Variants in UNC13A observed in about 807,000 individuals in gnomAD.
The protein encoded by UNC13A is protein unc-13 homolog A.
In UNC13A, 61 loss-of-function variants were observed where a neutral mutation model predicts 219.7. The ratio of observed to expected loss-of-function variants is 0.28; its 90% CI spans 0.23 to 0.34. The LOEUF (loss-of-function observed/expected upper bound fraction) is 0.34. Among genes scored for constraint, UNC13A ranks in the 10% least tolerant of loss-of-function variants. UNC13A has a pLI of 1.00. For missense variants in UNC13A, 1,476 were observed against 2,270.3 expected (o/e 0.65, Z 7.11); for synonymous variants, 920 against 884.6 (o/e 1.04, Z -0.71).
intron 1 of UNC13A, among the ~76,000 whole-genome samples, chr19:17,687,103 C>T (rs1482140488): frequency 6.6e-6 from 1 of 152,198 alleles, no homozygotes; most frequent in East Asian, 1.9e-4. Flanking sequence ...CAAGGTCTCC[C>T]AGAGTTTGAT....
At chr19:17,626,841 G>T in intron 33 of UNC13A, 56 bp from the exon 34 acceptor site, 1 of 1,559,648 alleles carries the variant, frequency 6.4e-7, no homozygotes, top group African/African-American at 1.4e-5. Context: ...TGAGGACACA[G>T]ATGCTGATCT....
intron 5 of UNC13A, among the ~76,000 whole-genome samples, chr19:17,668,940 A>G (rs965421012): frequency 6.6e-6 from 1 of 152,102 alleles, no homozygotes; most frequent in Non-Finnish European, 1.5e-5. Context: ...GGACTACAGA[A>G]ACCCAGCACC....
At chr19:17,675,858 C>T (rs1467800483) in intron 2 of UNC13A, among the ~76,000 whole-genome samples, 154 bp downstream of exon 2, 2 of 152,132 alleles carry the variant, frequency 1.3e-5, no homozygotes, top group Middle Eastern at 3.4e-3. Flanking sequence ...CCAATGGCTG[C>T]CCCTCCCCCT....
chr19:17,623,382 G>T, intron 36 of UNC13A, 160 bp downstream of exon 36: 43 of 521,660 alleles, frequency 8.2e-5, no homozygotes, highest in Non-Finnish European at 9.6e-5. Context: ...CCCTCCCCAT[G>T]CCCCGCCCCA....
At chr19:17,672,039 C>G (rs1433097593) in intron 4 of UNC13A, among the ~76,000 whole-genome samples, 1 of 152,152 alleles carries the variant, frequency 6.6e-6, no homozygotes, top group East Asian at 1.9e-4. Flanking sequence ...TCCCTTGCAG[C>G]AAGGTGTTGG....
chr19:17,673,288 C>T (rs566358262), intron 3 of UNC13A, among the ~76,000 whole-genome samples: 29 of 145,358 alleles, frequency 2.0e-4, no homozygotes, highest in Admixed American at 5.7e-4. Context: ...ACCCAGGAGG[C>T]GGAGGTTGCG....
chr19:17,668,409 GAAT>G (rs2079704891), intron 5 of UNC13A, among the ~76,000 whole-genome samples: 1 of 152,324 alleles, frequency 6.6e-6, no homozygotes, highest in African/African-American at 2.4e-5. Flanking sequence ...GCTGAATGGA[GAAT>G]AGTTGGAGGA....
chr19:17,652,170 C>T (rs1228553789), intron 12 of UNC13A, among the ~76,000 whole-genome samples: 1 of 152,156 alleles, frequency 6.6e-6, no homozygotes, highest in Non-Finnish European at 1.5e-5. Flanking sequence ...CCCGCTCTGT[C>T]TCCCAGGCTG....
chr19:17,678,160 C>T (rs1021089447), intron 1 of UNC13A, among the ~76,000 whole-genome samples: 2 of 152,084 alleles, frequency 1.3e-5, no homozygotes, highest in Non-Finnish European at 1.5e-5. Flanking sequence ...GGGGGAAGTG[C>T]GATGGCCCTA....
chr19:17,675,599 C>A (rs1163450624), intron 2 of UNC13A, among the ~76,000 whole-genome samples: 2 of 149,912 alleles, frequency 1.3e-5, no homozygotes, highest in African/African-American at 2.5e-5. Flanking sequence ...CCACTGCACT[C>A]CAGCCTGGGC....
At position 17,656,328 on chromosome 19, in the gene UNC13A, A is replaced by C; in HGVS notation, c.838T>G (p.Phe280Val). 1 of 1,558,646 alleles carries C rather than the reference A, an allele frequency of 6.4e-7. No individual in the cohort carries two copies. Among genetic ancestry groups the C allele is most frequent in the African/African-American group, 1.4e-5 (1 of 73,594 alleles). ...SQGSSQLSED[F>V]DPDEHSLQGS... is the part of the protein sequence containing the mutation. ...TGCAGGCTGTGCTCGTCAGGGTCGA[A>C]GTCCTCGCTCAGCTGAGAGCTTCCC... Residue 280 changes from phenylalanine (F) to valine (V), a missense_variant, in exon 10 of 44, where the codon TTC (phenylalanine) becomes GTC (valine). This residue lies in a region of UNC13A where 351 missense variants were observed against 342.6 expected (regional missense o/e 1.02). Coordinates refer to ENST00000519716, the MANE Select transcript of UNC13A (RefSeq NM_001080421.3).
At chr19:17,636,965 TTCTC>T (rs748941876) in intron 25 of UNC13A, among the ~76,000 whole-genome samples, 28 of 151,732 alleles carry the variant, frequency 1.8e-4, no homozygotes, top group South Asian at 4.1e-4. Flanking sequence ...CAACTTGTTC[TTCTC>T]TCTATTTTTT....
intron 7 of UNC13A, among the ~76,000 whole-genome samples, chr19:17,664,344 G>A (rs997563076): frequency 6.6e-6 from 1 of 152,184 alleles, no homozygotes; most frequent in African/African-American, 2.4e-5. Flanking sequence ...CAGAGGGATG[G>A]AGTGAGCAGC....
chr19:17,645,722 T>G lies in UNC13A; in HGVS notation c.2308A>C (p.Ile770Leu). ...TCGCCGCTGAGCGTCCGCACCTCAATGATCGTCTGCCCCAGGAAATCGTCA... is the reference window on the plus strand; with the variant it reads ...TCGCCGCTGAGCGTCCGCACCTCAAGGATCGTCTGCCCCAGGAAATCGTCA... ...ESDDFLGQTIIEVRTLSGEMD... is the reference protein window; with the variant it reads ...ESDDFLGQTILEVRTLSGEMD... Residue 770 changes from isoleucine to leucine, a missense_variant, in exon 19 of 44, where the codon ATT becomes CTT. Ile to Leu is a conservative substitution (Grantham distance 5, BLOSUM62 2). Around this residue, in one of 14 missense-constraint regions of UNC13A, gnomAD observed 66 missense variants for 224.3 expected, o/e 0.29. Transcript: ENST00000519716. The G allele has an allele frequency of 6.2e-7, 1 of 1,614,254 alleles. No individual in the cohort carries two copies. Among genetic ancestry groups the G allele is most frequent in the Non-Finnish European group, 8.5e-7 (1 of 1,180,050 alleles).
intron 1 of UNC13A, among the ~76,000 whole-genome samples, chr19:17,686,303 C>A (rs1429167511): frequency 1.4e-4 from 2 of 14,786 alleles, no homozygotes; most frequent in African/African-American, 1.8e-3. Context: ...TCCCCGCCCC[C>A]CCCCCCCCCC....
At chr19:17,673,008 G>T (rs992839323) in intron 3 of UNC13A, among the ~76,000 whole-genome samples, 2 of 152,220 alleles carry the variant, frequency 1.3e-5, no homozygotes, top group Non-Finnish European at 2.9e-5. Context: ...GAAACTTGGT[G>T]AAATGTGAGA....
rs200561053 is a variant in UNC13A at position 17,656,135 on chromosome 19, A to T, written c.1031T>A (p.Leu344Gln). 6.4e-7 allele frequency: 1 copy of T among 1,551,594 alleles called. No individual in the cohort carries two copies. Among genetic ancestry groups the T allele is most frequent in the South Asian group, 1.2e-5 (1 of 84,010 alleles). Residue 344 changes from leucine (L) to glutamine (Q), a missense_variant, in exon 10 of 44, where the codon CTG becomes CAG. Physicochemically the swap from Leu to Gln is moderately radical, Grantham distance 113. Around this residue, in one of 14 missense-constraint regions of UNC13A, gnomAD observed 351 missense variants for 342.6 expected, o/e 1.02. Transcript: ENST00000519716. ...AGGCACCTCCTCCTCCTCCTCCTCC[A>T]GCTCCTCCTCATCTTCAGGCAGCTC... ...EEELPEDEEE[L>Q]EEEEEEVPDD...
intron 8 of UNC13A, among the ~76,000 whole-genome samples, chr19:17,661,648 C>T (rs544700465): frequency 4.6e-5 from 7 of 151,722 alleles, no homozygotes; most frequent in East Asian, 1.9e-4. Context: ...GAGCAGTGAT[C>T]GCACCACTAT....
At position 17,622,023 on chromosome 19, in the gene UNC13A, G is replaced by T; in HGVS notation, c.4204-153C>A. On this transcript the variant is annotated intron_variant, in intron 36 of 43. Transcript: ENST00000519716. ...ATGGGGATAGTGTGTTTGTGTGTGT[G>T]TCTGTGTGTGTGCACACACGTGCAT... The T allele has an allele frequency of 2.7e-6, 2 of 746,058 alleles. 1 individual carries two copies. The highest frequency in any genetic ancestry group is 3.1e-5 in the South Asian group (2 of 64,626). 46.2% of individuals were successfully genotyped at this position (746,058 alleles called of 1,614,324 possible). A position where few individuals can be genotyped will look rare whatever the true frequency, so the allele number is the denominator to read the frequency against.
Sources: allele counts gnomAD v4.1 joint callset (sites outside exome capture counted in the v4.1 genomes callset), GRCh38; gene constraint gnomAD v4.1.1; regional missense constraint gnomAD v4.1.1; transcripts MANE v1.5; gene names NCBI Gene and HGNC (gene_info 2026-07-23, HGNC 2026-07-21).